Variants in PPEF1 observed in about 807,000 individuals in gnomAD.
PPEF1 encodes serine/threonine-protein phosphatase with EF-hands 1.
In PPEF1, 12 loss-of-function variants were observed where a neutral mutation model predicts 53.3. The ratio of observed to expected loss-of-function variants is 0.23; its 90% CI spans 0.14 to 0.36. PPEF1 has a LOEUF of 0.36. PPEF1 is among the 10% of genes least tolerant of loss of function. The pLI is 1.00. For missense variants in PPEF1, 334 were observed against 490.4 expected (o/e 0.68, Z 3.01); for synonymous variants, 165 against 176.7 (o/e 0.93, Z 0.52).
chrX:18,700,277 G>GTGTGTGTGTGTGTGTGTT (rs1463923253), intron 5 of PPEF1: 6 of 51,904 alleles, frequency 1.2e-4, no homozygotes, highest in African/African-American at 3.1e-4. Context: ...GTGTGTGTGT[G>GTGTGTGTGTGTGTGTGTT]TGTGTTTGTG....
chrX:18,734,601 C>G (rs1476459643), intron 3 of PPEF1, among the ~76,000 whole-genome samples: 147 of 111,090 alleles, frequency 1.3e-3, no homozygotes, highest in Non-Finnish European at 2.0e-3. Flanking sequence ...GTGTGCATGT[C>G]TCTTTATAGC....
intron 6 of PPEF1, among the ~76,000 whole-genome samples, chrX:18,772,870 C>T (rs2045896367): frequency 8.9e-6 from 1 of 112,602 alleles, no homozygotes; most frequent in South Asian, 3.6e-4. Flanking sequence ...CAATTCCTCA[C>T]TGACTGTTGG....
At position 18,728,422 on chromosome X, in the gene PPEF1, G is replaced by C. The variant is rs756762755; in HGVS notation, c.47-1759G>C. On this transcript the variant is annotated intron_variant, in intron 1 of 15. Coordinates refer to ENST00000470157, the MANE Select transcript of PPEF1 (RefSeq NM_001377996.1). ...GGGGAAACCCCTTATAAAACTATCA[G>C]ATCTCATGAGACTTATTCACTACCA... 1.6e-3 allele frequency among the ~76,000 whole-genome samples: 176 copies of C among 110,593 alleles called. 1 individual carries two copies. Among genetic ancestry groups the C allele is most frequent in the Non-Finnish European group, 2.0e-3 (107 of 52,886 alleles).
In PPEF1 at chrX:18,707,774, A is replaced by T; in HGVS notation, c.-7A>T. 1 of 1,206,293 alleles carries T rather than the reference A, an allele frequency of 8.3e-7. No individual in the cohort carries two copies. ...ATTCATGAACACATATGATTTAGAT[A>T]GAAGTCATGGGATGCAGCAGTTCTT... On this transcript the variant is annotated 5_prime_UTR_variant, in exon 1 of 16. An upstream open reading frame in the 5' UTR gains an earlier in-frame stop. Transcript: ENST00000470157.
In PPEF1 at chrX:18,827,475, C is replaced by T. The variant is rs759380561; in HGVS notation, c.1950C>T (p.Thr650=). The change falls in exon 16 of 16, where the codon ACC becomes ACT. Residue 650 remains threonine (T), a synonymous_variant. Transcript: ENST00000470157. ...RYEDLMKPDV[T]NLG ...AAGACTTGATGAAACCTGATGTCAC[C>T]AACCTTGGCTAAACACAAATGAGAG... 1 of 1,207,707 alleles carries T rather than the reference C, an allele frequency of 8.3e-7. No homozygotes were observed. The highest frequency in any genetic ancestry group is 1.8e-5 in the South Asian group (1 of 56,627).
chrX:18,766,065 C>CAAAA (rs61277288), intron 6 of PPEF1, among the ~76,000 whole-genome samples: 1 of 63,983 alleles, frequency 1.6e-5, no homozygotes, highest in African/African-American at 6.0e-5. Context: ...AACTCTGTCT[C>CAAAA]AAAAAAAAAA....
At chrX:18,821,222 CAAA>C (rs55725180) in intron 13 of PPEF1, among the ~76,000 whole-genome samples, 6 of 55,218 alleles carry the variant, frequency 1.1e-4, no homozygotes, top group Admixed American at 4.5e-4. Flanking sequence ...GACTCTGTCT[CAAA>C]AAAAAAAAAA....
At chrX:18,686,132 T>A (rs1343780464) in intron 2 of PPEF1, 1 of 112,387 alleles carries the variant, frequency 8.9e-6, no homozygotes, top group Admixed American at 9.4e-5. Context: ...TTTTTTCTTC[T>A]AACAGTATCA....
intron 1 of PPEF1, among the ~76,000 whole-genome samples, chrX:18,726,377 A>AATAC (rs2147353535): frequency 9.2e-6 from 1 of 109,170 alleles, no homozygotes; most frequent in South Asian, 3.8e-4. Context: ...TAAATAAATA[A>AATAC]ATAAATAAAT....
intron 8 of PPEF1, 84 bp downstream of exon 8, chrX:18,782,486 T>C (rs2046107861): frequency 1.3e-6 from 1 of 796,142 alleles, no homozygotes; most frequent in African/African-American, 2.2e-5. Context: ...AAAGACCAGA[T>C]TGATGCTTTA....
At chrX:18,768,129 G>A (rs1393406439) in intron 6 of PPEF1, among the ~76,000 whole-genome samples, 1 of 111,869 alleles carries the variant, frequency 8.9e-6, no homozygotes, top group Non-Finnish European at 1.9e-5. Context: ...GTAGTTAGTG[G>A]CCGTGCTTTC....
At chrX:18,725,929 G>A (rs1404944464) in intron 1 of PPEF1, among the ~76,000 whole-genome samples, 2 of 111,221 alleles carry the variant, frequency 1.8e-5, no homozygotes, top group African/African-American at 6.6e-5. Context: ...TCCTCCCTTG[G>A]AGAGTGGGGT....
rs751024050 is a variant in PPEF1 at position 18,711,115 on chromosome X, A to G, written c.46+3289A>G. Among the ~76,000 whole-genome samples, 70 of 106,713 alleles carry G rather than the reference A, an allele frequency of 6.6e-4. No individual in the cohort carries two copies. In the East Asian group the frequency reaches 0.019, roughly 30 times the overall value. The allele number at this position is 106,713 out of a possible 115,157, so 92.7% of individuals were successfully genotyped here. A position where few individuals can be genotyped will look rare whatever the true frequency, so the allele number is the denominator to read the frequency against. On this transcript the variant is annotated intron_variant, in intron 1 of 15. Transcript: ENST00000470157. ...GTGTATATATATATATATGCATGCC[A>G]TGGAATACTACTCAGCCATAAAAAA...
Position 18,801,134 on chromosome X carries a change from C to T in PPEF1, c.1066-2758C>T, listed in dbSNP as rs182669607. On this transcript the variant is annotated intron_variant, in intron 10 of 15. Transcript: ENST00000470157. ...CATTATATTTATTCATAGAGTAGGG[C>T]GGTGCTGATGTTGGAATTCAGTGGG... 2.7e-5 allele frequency among the ~76,000 whole-genome samples: 3 copies of T among 111,899 alleles called. No individual in the cohort carries two copies. The East Asian group carries it at 8.4e-4, about 31-fold the overall frequency.
At chrX:18,809,911 T>C (rs1195916227) in intron 12 of PPEF1, among the ~76,000 whole-genome samples, 1 of 111,357 alleles carries the variant, frequency 9.0e-6, no homozygotes, top group East Asian at 2.8e-4. Flanking sequence ...GCTGAACTCA[T>C]AGAAACAGAG....
chrX:18,809,503 C>T (rs72616069), intron 12 of PPEF1, among the ~76,000 whole-genome samples: 19,565 of 109,389 alleles, frequency 0.18, 1,450 homozygotes, highest in African/African-American at 0.26. Flanking sequence ...CCCAGGAGTT[C>T]GTGACTAGCT....
intron 10 of PPEF1, among the ~76,000 whole-genome samples, chrX:18,792,583 G>T (rs1373498843): frequency 9.1e-6 from 1 of 110,422 alleles, no homozygotes; most frequent in Non-Finnish European, 1.9e-5. Flanking sequence ...TCTCACTAAG[G>T]TTTGTCAATG....
intron 6 of PPEF1, among the ~76,000 whole-genome samples, chrX:18,776,685 C>T (rs1301567779): frequency 9.0e-6 from 1 of 111,455 alleles, no homozygotes; most frequent in Non-Finnish European, 1.9e-5. Flanking sequence ...CTTTGGGAGG[C>T]TGAGGTAGGC....
intron 4 of PPEF1, among the ~76,000 whole-genome samples, chrX:18,693,196 G>A (rs1929507601): frequency 8.9e-6 from 1 of 111,891 alleles, no homozygotes; most frequent in South Asian, 3.7e-4. Context: ...TTTCCACCCA[G>A]GCTGCTTTAG....
Sources: allele counts gnomAD v4.1 joint callset (sites outside exome capture counted in the v4.1 genomes callset), GRCh38; gene constraint gnomAD v4.1.1; transcripts MANE v1.5; gene names NCBI Gene and HGNC (gene_info 2026-07-23, HGNC 2026-07-21).